The following PALM2AKAP2 variants were observed in gnomAD, a reference collection of about 807,000 sequenced individuals.
PALM2AKAP2 encodes the protein PALM2-AKAP2 fusion protein.
A neutral mutation model predicts 71.5 loss-of-function variants in PALM2AKAP2; 37 were observed. The ratio of observed to expected loss-of-function variants is 0.52; its 90% CI spans 0.40 to 0.68. PALM2AKAP2 has a LOEUF of 0.68. Among genes scored for constraint, PALM2AKAP2 ranks in the 30% least tolerant of loss-of-function variants. The probability of loss-of-function intolerance (pLI) is 0.00; values close to 1 mark genes in which losing one functional copy is unlikely to be tolerated. For missense variants in PALM2AKAP2, 1,224 were observed against 1,191.8 expected (o/e 1.03, Z -0.40); for synonymous variants, 468 against 478.8 (o/e 0.98, Z 0.29).
At chr9:109,668,550 T>C (rs1294431541) in intron 1 of PALM2AKAP2, among the ~76,000 whole-genome samples, 1 of 152,192 alleles carries the variant, frequency 6.6e-6, no homozygotes, top group Non-Finnish European at 1.5e-5. Context: ...ATGTATAGAT[T>C]GTGTGTCTGG....
At chr9:109,987,919 G>C (rs1832410348) in intron 6 of PALM2AKAP2, among the ~76,000 whole-genome samples, 1 of 152,216 alleles carries the variant, frequency 6.6e-6, no homozygotes, top group Non-Finnish European at 1.5e-5. Flanking sequence ...AAATATTAGA[G>C]ATTCCTCATC....
intron 6 of PALM2AKAP2, among the ~76,000 whole-genome samples, chr9:110,002,134 T>A (rs1188273260): frequency 6.6e-6 from 1 of 152,210 alleles, no homozygotes; most frequent in African/African-American, 2.4e-5. Flanking sequence ...CCATTCAGTA[T>A]GATATTGGCT....
intron 6 of PALM2AKAP2, among the ~76,000 whole-genome samples, chr9:110,003,024 T>C (rs1483404867): frequency 6.6e-6 from 1 of 152,276 alleles, no homozygotes; most frequent in Non-Finnish European, 1.5e-5. Context: ...TTTGTGTCTC[T>C]ATATCCTTCA....
At chr9:109,766,796 ATAT>A (rs1319247796) in intron 1 of PALM2AKAP2, among the ~76,000 whole-genome samples, 2 of 152,182 alleles carry the variant, frequency 1.3e-5, no homozygotes, top group Non-Finnish European at 2.9e-5. Context: ...CATAATGTAG[ATAT>A]TATTGTCCTC....
intron 6 of PALM2AKAP2, among the ~76,000 whole-genome samples, chr9:109,990,692 G>A (rs1832463704): frequency 6.6e-6 from 1 of 152,262 alleles, no homozygotes; most frequent in Non-Finnish European, 1.5e-5. Context: ...TCGCTTTACT[G>A]CAATAGGCAT....
chr9:109,642,885 G>A (rs1827091625), intron 1 of PALM2AKAP2, among the ~76,000 whole-genome samples: 1 of 150,524 alleles, frequency 6.6e-6, no homozygotes, highest in African/African-American at 2.4e-5. Flanking sequence ...TACATGGTGT[G>A]GTGGTTCATG....
At chr9:109,643,160 G>A (rs1002124435) in intron 1 of PALM2AKAP2, among the ~76,000 whole-genome samples, 4 of 152,204 alleles carry the variant, frequency 2.6e-5, no homozygotes, top group Admixed American at 2.0e-4. Flanking sequence ...GGGCAATTGA[G>A]AGTAACATAA....
rs148660937 is a variant in PALM2AKAP2 at position 109,936,727 on chromosome 9, A to G, written c.496+4699A>G. ...CAGCACCATAAAATATCAAATCTGG[A>G]TAACTTTCATTGTACAAATGAGAAA... On this transcript the variant is annotated intron_variant, in intron 6 of 9. Transcript: ENST00000302798. Among the ~76,000 whole-genome samples the G allele has an allele frequency of 9.2e-5, 14 of 152,362 alleles. No homozygotes were observed. The East Asian group carries it at 2.3e-3, about 25-fold the overall frequency.
intron 7 of PALM2AKAP2, among the ~76,000 whole-genome samples, chr9:110,027,854 C>T (rs1241725635): frequency 1.3e-5 from 2 of 152,280 alleles, no homozygotes; most frequent in South Asian, 4.2e-4. Flanking sequence ...CAGTGGTGTC[C>T]AGCCGGTTGC....
At chr9:110,106,966 G>A (rs1331213857) in intron 1 of PALM2AKAP2, among the ~76,000 whole-genome samples, 1 of 152,174 alleles carries the variant, frequency 6.6e-6, no homozygotes, top group Non-Finnish European at 1.5e-5. Context: ...ACTCCTAATG[G>A]AAGATAAGTC....
intron 6 of PALM2AKAP2, among the ~76,000 whole-genome samples, chr9:109,959,644 CAAA>C (rs11441362): frequency 9.9e-5 from 9 of 90,658 alleles, no homozygotes; most frequent in Admixed American, 1.1e-4. Context: ...GACTCCGTCT[CAAA>C]AAAAAAAAAA....
chr9:109,644,000 C>T (rs967883223), intron 1 of PALM2AKAP2, among the ~76,000 whole-genome samples: 1 of 151,426 alleles, frequency 6.6e-6, no homozygotes. Flanking sequence ...CAAGGGGTGG[C>T]GGGGGTGTCA....
chr9:109,758,596 A>ATT lies in PALM2AKAP2; in HGVS notation c.6-21891_6-21890dup, dbSNP rs139419102. Among the ~76,000 whole-genome samples, 3 of 146,906 alleles carry ATT rather than the reference A, an allele frequency of 2.0e-5. No homozygotes were observed. In the East Asian group the frequency reaches 5.9e-4, roughly 29 times the overall value. ...TTTCTTTAAATAATAATGTATTTGT[A>ATT]TTATTTTTTGCAGTGGAATTGGAAA... On this transcript the variant is annotated intron_variant, in intron 1 of 6. Coordinates refer to the PALM2AKAP2 transcript ENST00000374531.
At chr9:110,127,481 T>C (rs1835634317) in intron 1 of PALM2AKAP2, among the ~76,000 whole-genome samples, 1 of 151,996 alleles carries the variant, frequency 6.6e-6, no homozygotes, top group Non-Finnish European at 1.5e-5. Flanking sequence ...GAAGCTCTGC[T>C]CGGGGGATGG....
chr9:109,923,530 T>A (rs146108996), intron 3 of PALM2AKAP2, among the ~76,000 whole-genome samples: 1 of 152,234 alleles, frequency 6.6e-6, no homozygotes, highest in African/African-American at 2.4e-5. Flanking sequence ...AGTGCTGTGT[T>A]GATTTCCCTT....
intron 1 of PALM2AKAP2, among the ~76,000 whole-genome samples, chr9:109,754,201 T>C (rs1043813389): frequency 2.0e-5 from 3 of 152,172 alleles, no homozygotes; most frequent in Non-Finnish European, 2.9e-5. Flanking sequence ...CTTGGACTCT[T>C]ATTTGTAAAA....
intron 6 of PALM2AKAP2, among the ~76,000 whole-genome samples, chr9:109,940,081 C>A (rs1831324479): frequency 2.0e-5 from 3 of 152,124 alleles, no homozygotes; most frequent in Admixed American, 6.5e-5. Flanking sequence ...TACTAGATTA[C>A]AACAACCATA....
In PALM2AKAP2 at chr9:109,699,044, T is replaced by A. The variant is rs555000410; in HGVS notation, c.5+58178T>A. Among the ~76,000 whole-genome samples the A allele has an allele frequency of 4.3e-4, 66 of 152,350 alleles. 1 individual carries two copies. The South Asian group carries it at 0.013, about 29-fold the overall frequency. ...AGAAATAAAGTTGAAAGGCTAAAGA[T>A]GACAACTTGATTGCAGCACATAGGA... On this transcript the variant is annotated intron_variant, in intron 1 of 6. Transcript: ENST00000374531.
intron 1 of PALM2AKAP2, among the ~76,000 whole-genome samples, chr9:109,846,540 G>A (rs566001851): frequency 4.6e-5 from 7 of 152,314 alleles, no homozygotes. Flanking sequence ...TGAAGCCTTT[G>A]CTTTGGGGAA....
Sources: gnomAD v4.1 joint callset for allele counts (sites outside exome capture counted in the v4.1 genomes callset) on GRCh38, gnomAD v4.1.1 for gene constraint, MANE v1.5 for transcripts, NCBI Gene and HGNC (gene_info 2026-07-23, HGNC 2026-07-21) for gene names.